CHN1: variants seen among roughly 807,000 people sequenced by gnomAD.
CHN1 encodes chimerin 1.
Under a neutral mutation model 59.5 loss-of-function variants are expected in CHN1, and 37 were observed. The observed-to-expected ratio is 0.62, with a 90% CI of 0.48 to 0.82. The LOEUF is 0.82. CHN1 is among the 40% of genes least tolerant of loss of function. The pLI, the probability that CHN1 is intolerant of heterozygous loss-of-function variation, is 0.00. For synonymous variants in CHN1, 206 were observed against 200.4 expected (o/e 1.03, Z -0.24); for missense variants, 469 against 571.0 (o/e 0.82, Z 1.82).
chr2:174,865,001 G>C (rs1487919096), intron 6 of CHN1, among the ~76,000 whole-genome samples: 2 of 152,090 alleles, frequency 1.3e-5, no homozygotes, highest in Admixed American at 1.3e-4. Flanking sequence ...AAGATTATTT[G>C]AATTTGTACA....
At chr2:174,893,732 A>G (rs1389760766) in intron 5 of CHN1, among the ~76,000 whole-genome samples, 2 of 152,208 alleles carry the variant, frequency 1.3e-5, no homozygotes, top group Admixed American at 6.5e-5. Flanking sequence ...TTCAAAGCAT[A>G]TAACAAAGCT....
intron 5 of CHN1, among the ~76,000 whole-genome samples, chr2:174,893,596 C>T (rs1688120408): frequency 6.6e-6 from 1 of 151,528 alleles, no homozygotes; most frequent in Admixed American, 6.6e-5. Context: ...CCTACTAAAA[C>T]CTCCATAGAA....
At chr2:174,938,125 C>T (rs1689552333) in intron 3 of CHN1, among the ~76,000 whole-genome samples, 1 of 152,040 alleles carries the variant, frequency 6.6e-6, no homozygotes, top group Non-Finnish European at 1.5e-5. Context: ...ATTACAGGTG[C>T]ACACCACCAC....
chr2:174,827,105 A>G (rs1685712131), intron 7 of CHN1, among the ~76,000 whole-genome samples: 1 of 152,158 alleles, frequency 6.6e-6, no homozygotes, highest in Non-Finnish European at 1.5e-5. Context: ...GAATTTTTAT[A>G]TCTAAAATCC....
chr2:174,861,250 T>A (rs1292764142), intron 6 of CHN1, among the ~76,000 whole-genome samples: 1 of 152,158 alleles, frequency 6.6e-6, no homozygotes. Context: ...ATAGGTAGAA[T>A]GTATGGAATA....
At position 174,927,701 on chromosome 2, in the gene CHN1, T is replaced by C. The variant is rs181344255; in HGVS notation, c.115-9136A>G. Among the ~76,000 whole-genome samples the C allele has an allele frequency of 6.3e-4, 96 of 152,306 alleles. 2 individuals carry two copies. The East Asian group carries it at 0.017, about 26-fold the overall frequency. ...TAATGCCACTAAAACATTTATAAAA[T>C]TTCAAAAATGTTTAACGTTGTTCTT... On this transcript the variant is annotated intron_variant, in intron 3 of 12. Coordinates refer to ENST00000409900, the MANE Select transcript of CHN1 (RefSeq NM_001822.7).
At chr2:174,982,466 C>A (rs1485316627) in intron 1 of CHN1, among the ~76,000 whole-genome samples, 1 of 152,136 alleles carries the variant, frequency 6.6e-6, no homozygotes, top group Non-Finnish European at 1.5e-5. Context: ...CCTGTTGTTT[C>A]CTGACTTTTT....
chr2:174,983,988 C>T (rs1257768144), intron 1 of CHN1, among the ~76,000 whole-genome samples: 1 of 151,752 alleles, frequency 6.6e-6, no homozygotes, highest in Admixed American at 6.6e-5. Context: ...TTAATTTTCA[C>T]TTGGTCTCAA....
chr2:174,853,601 T>C (rs1236220585), intron 6 of CHN1, among the ~76,000 whole-genome samples: 1 of 152,186 alleles, frequency 6.6e-6, no homozygotes, highest in Non-Finnish European at 1.5e-5. Flanking sequence ...ACTAGGTATA[T>C]ACCCAAAGGA....
At chr2:174,845,551 G>C (rs1686479055) in intron 7 of CHN1, among the ~76,000 whole-genome samples, 1 of 152,088 alleles carries the variant, frequency 6.6e-6, no homozygotes, top group African/African-American at 2.4e-5. Flanking sequence ...AATCTACTAA[G>C]TTGCCTCTAT....
chr2:174,880,079 T>C (rs1487131028), intron 5 of CHN1, among the ~76,000 whole-genome samples: 1 of 152,142 alleles, frequency 6.6e-6, no homozygotes, highest in African/African-American at 2.4e-5. Context: ...TTTATCCTTT[T>C]CTCTTTCTCA....
At chr2:174,985,822 T>C (rs973978162) in intron 1 of CHN1, among the ~76,000 whole-genome samples, 6 of 152,198 alleles carry the variant, frequency 3.9e-5, no homozygotes, top group African/African-American at 1.4e-4. Context: ...TAGATGTTCC[T>C]TCTTAAATTT....
chr2:174,811,736 G>C, intron 9 of CHN1, 148 bp from the exon 10 acceptor site: 2 of 549,822 alleles, frequency 3.6e-6, no homozygotes, highest in South Asian at 5.9e-5. Context: ...AGAATAAAAC[G>C]ATTTCACACA....
intron 5 of CHN1, among the ~76,000 whole-genome samples, chr2:174,886,488 A>G (rs1410500960): frequency 1.3e-5 from 2 of 152,142 alleles, no homozygotes; most frequent in South Asian, 2.1e-4. Context: ...TCTCCTTCCA[A>G]TTCGCTTTTT....
intron 1 of CHN1, among the ~76,000 whole-genome samples, chr2:174,976,126 CAAAAAAAAAAAAAAA>C (rs71031078): frequency 6.0e-5 from 3 of 50,188 alleles, no homozygotes; most frequent in South Asian, 1.5e-3. Flanking sequence ...GACTCCGTCT[CAAAAAAAAAAAAAAA>C]AAAAAAAAAA....
intron 8 of CHN1, among the ~76,000 whole-genome samples, chr2:174,813,779 T>C (rs1685151250): frequency 6.6e-6 from 1 of 152,230 alleles, no homozygotes; most frequent in African/African-American, 2.4e-5. Context: ...CAGGTCTTAG[T>C]GAAGCCAATT....
intron 6 of CHN1, chr2:174,847,406 TC>T: frequency 8.3e-7 from 1 of 1,203,720 alleles, no homozygotes; most frequent in Non-Finnish European, 1.0e-6. Flanking sequence ...AAAGAAAGAG[TC>T]GATGCTAACA....
At chr2:174,898,560 C>T (rs371122977) in intron 5 of CHN1, among the ~76,000 whole-genome samples, 43 of 152,190 alleles carry the variant, frequency 2.8e-4, no homozygotes, top group African/African-American at 5.8e-4. Context: ...CCCAAGATCG[C>T]GCCACTGCAC....
In CHN1 at chr2:174,885,705, G is replaced by C. The variant is rs574733833; in HGVS notation, c.261-7577C>G. On this transcript the variant is annotated intron_variant, in intron 5 of 12. Transcript: ENST00000409900. The stretch of plus-strand genomic sequence containing the variant: ...AGGCTGGTCTTGAACTCCTGGCTTC[G>C]TGTGACCTGCCTGCCTCAGCCTCCA... Among the ~76,000 whole-genome samples the C allele has an allele frequency of 2.6e-5, 4 of 152,124 alleles. 1 individual carries two copies. Among genetic ancestry groups the C allele is most frequent in the African/African-American group, 9.6e-5 (4 of 41,516 alleles).
Sources: gnomAD v4.1 joint callset for allele counts (sites outside exome capture counted in the v4.1 genomes callset) on GRCh38, gnomAD v4.1.1 for gene constraint, MANE v1.5 for transcripts, NCBI Gene and HGNC (gene_info 2026-07-23, HGNC 2026-07-21) for gene names.